SNAI1: variants seen among roughly 807,000 people sequenced by gnomAD.
The protein encoded by SNAI1 is snail family transcriptional repressor 1.
A neutral mutation model predicts 24.7 loss-of-function variants in SNAI1; 15 were observed. The ratio of observed to expected loss-of-function variants is 0.61; its 90% CI spans 0.41 to 0.93. SNAI1 has a LOEUF of 0.93. Among genes scored for constraint, SNAI1 ranks in the 40% least tolerant of loss-of-function variants. The pLI is 0.00. For missense variants in SNAI1, 283 were observed against 336.7 expected (o/e 0.84, Z 1.25); for synonymous variants, 163 against 142.9 (o/e 1.14, Z -1.00).
chr20:49,986,720 C>A (rs572682332), intron 2 of SNAI1, among the ~76,000 whole-genome samples: 1 of 152,308 alleles, frequency 6.6e-6, no homozygotes, highest in Admixed American at 6.5e-5. Flanking sequence ...CCTCACTCGG[C>A]CTCCCAGAGT....
At position 49,984,050 on chromosome 20, in the gene SNAI1, C is replaced by G. The variant is rs1445065902; in HGVS notation, c.309C>G (p.Pro103=). ...DEDSGKGSQP[P]SPPSPAPSSF... is the part of the protein sequence containing the mutation. Reference sequence around the variant, plus strand: ...ACAGTGGGAAAGGCTCCCAGCCCCCCAGCCCACCCTCACCGGCTCCTTCGT... The same window carrying G: ...ACAGTGGGAAAGGCTCCCAGCCCCCGAGCCCACCCTCACCGGCTCCTTCGT... Residue 103 remains proline (P), a synonymous_variant, in exon 2 of 3, where the codon CCC becomes CCG. Coordinates refer to ENST00000244050, the MANE Select transcript of SNAI1 (RefSeq NM_005985.4). The G allele has an allele frequency of 1.2e-6, 2 of 1,613,894 alleles. No homozygotes were observed. Among genetic ancestry groups the G allele is most frequent in the Admixed American group, 1.7e-5 (1 of 59,988 alleles).
At chr20:49,983,714 A>T in intron 1 of SNAI1, 110 bp from the exon 2 acceptor site, 1 of 1,082,366 alleles carries the variant, frequency 9.2e-7, no homozygotes, top group South Asian at 1.6e-5. Flanking sequence ...TTTTTGATCT[A>T]ATTATGTATT....
chr20:49,987,680 G>A (rs1028449216), intron 2 of SNAI1, among the ~76,000 whole-genome samples, 192 bp from the exon 3 acceptor site: 15 of 152,194 alleles, frequency 9.9e-5, no homozygotes, highest in Non-Finnish European at 1.8e-4. Flanking sequence ...AACTTGCTCA[G>A]AGTTGCACAG....
At chr20:49,986,907 A>G (rs1055585827) in intron 2 of SNAI1, among the ~76,000 whole-genome samples, 3 of 152,226 alleles carry the variant, frequency 2.0e-5, no homozygotes, top group Non-Finnish European at 4.4e-5. Context: ...GTTATGAGGC[A>G]TGAGTGAGGG....
In SNAI1 at chr20:49,983,973, C is replaced by G; in HGVS notation, c.232C>G (p.Arg78Gly). ...QAQPIAWASLRLQESPRVAEL... is the reference protein window; with the variant it reads ...QAQPIAWASLGLQESPRVAEL... ...CCAGCCAATTGCCTGGGCCTCCCTT[C>G]GGCTCCAGGAGAGTCCCAGGGTGGC... Residue 78 changes from arginine to glycine, a missense_variant, in exon 2 of 3, where the codon CGG becomes GGG. Coordinates refer to ENST00000244050, the MANE Select transcript of SNAI1 (RefSeq NM_005985.4). The G allele has an allele frequency of 6.2e-7, 1 of 1,613,618 alleles. No homozygotes were observed. The highest frequency in any genetic ancestry group is 8.5e-7 in the Non-Finnish European group (1 of 1,179,958).
chr20:49,984,412 C>G (rs2078327704), intron 2 of SNAI1, 61 bp downstream of exon 2: 1 of 1,456,800 alleles, frequency 6.9e-7, no homozygotes, highest in African/African-American at 1.4e-5. Context: ...TGAATCTGGG[C>G]TTGCTGTTCT....
In SNAI1 at chr20:49,988,578, G is replaced by C. The variant is rs180760094; in HGVS notation, c.*522G>C. The C allele has an allele frequency of 2.1e-3, 321 of 152,970 alleles. 1 individual carries two copies. The highest frequency in any genetic ancestry group is 7.5e-3 in the African/African-American group (311 of 41,576). The allele number at this position is 152,970 out of a possible 1,614,324, so 9.5% of individuals were successfully genotyped here. A position where few individuals can be genotyped will look rare whatever the true frequency, so the allele number is the denominator to read the frequency against. On this transcript the variant is annotated 3_prime_UTR_variant, in exon 3 of 3. Transcript: ENST00000244050. ...TAGAGTCTGAGATGCCCCGAGCCCA[G>C]GCAGCTATTTCAGCCTCCTGTTTGG...
intron 1 of SNAI1, 84 bp from the exon 2 acceptor site, chr20:49,983,740 C>A: frequency 7.3e-7 from 1 of 1,371,388 alleles, no homozygotes; most frequent in Non-Finnish European, 9.9e-7. Context: ...TCGGCCCCAC[C>A]CAGCCCCTGG....
chr20:49,987,168 G>A (rs2078336493), intron 2 of SNAI1, among the ~76,000 whole-genome samples: 1 of 152,184 alleles, frequency 6.6e-6, no homozygotes, highest in Non-Finnish European at 1.5e-5. Flanking sequence ...CAGCCTGATT[G>A]GAGAACAGAC....
chr20:49,987,664 C>A (rs1369979969), intron 2 of SNAI1, among the ~76,000 whole-genome samples: 1 of 152,154 alleles, frequency 6.6e-6, no homozygotes. Context: ...CTCAGAGAAG[C>A]CAGACAACTT....
At chr20:49,986,882 GTT>G (rs11468898) in intron 2 of SNAI1, among the ~76,000 whole-genome samples, 41,973 of 152,040 alleles carry the variant, frequency 0.28, 9,544 homozygotes, top group African/African-American at 0.63. Context: ...TAGCTTTTTG[GTT>G]GGAGCAGGGA....
Position 49,988,011 on chromosome 20 carries a change from G to C in SNAI1, c.750G>C (p.Leu250=). ...CTCGGACCTTCTCCCGAATGTCCCT[G>C]CTCCACAAGCACCAAGAGTCCGGCT... ...ACARTFSRMS[L]LHKHQESGCS... Residue 250 remains leucine, a synonymous_variant, in exon 3 of 3, where the codon CTG becomes CTC. Coordinates refer to ENST00000244050, the MANE Select transcript of SNAI1 (RefSeq NM_005985.4). The C allele has an allele frequency of 1.2e-6, 2 of 1,612,932 alleles. No homozygotes were observed. Among genetic ancestry groups the C allele is most frequent in the Non-Finnish European group, 1.7e-6 (2 of 1,179,290 alleles).
chr20:49,986,839 C>A (rs911205721), intron 2 of SNAI1, among the ~76,000 whole-genome samples: 2 of 151,566 alleles, frequency 1.3e-5, no homozygotes, highest in South Asian at 2.1e-4. Flanking sequence ...CAGAAAAAAA[C>A]AAATCAACAT....
At position 49,984,193 on chromosome 20, in the gene SNAI1, G is replaced by T; in HGVS notation, c.452G>T (p.Arg151Leu). The T allele has an allele frequency of 1.9e-6, 3 of 1,614,202 alleles. No homozygotes were observed. The South Asian group carries it at 3.3e-5, about 18-fold the overall frequency. The change falls in exon 2 of 3, where the codon CGA becomes CTA. Residue 151 changes from arginine to leucine, a missense_variant. Coordinates refer to ENST00000244050, the MANE Select transcript of SNAI1 (RefSeq NM_005985.4). ...QLSEAKDLQARKAFNCKYCNK... is the reference protein window; with the variant it reads ...QLSEAKDLQALKAFNCKYCNK... The stretch of plus-strand genomic sequence containing the variant: ...TCTGAGGCCAAGGATCTCCAGGCTC[G>T]AAAGGCCTTCAACTGCAAATACTGC...
chr20:49,988,132 A>G lies in SNAI1; in HGVS notation c.*76A>G. On this transcript the variant is annotated 3_prime_UTR_variant, in exon 3 of 3. Coordinates refer to ENST00000244050, the MANE Select transcript of SNAI1 (RefSeq NM_005985.4). ...CCCCAGCTCCAGCAGGAAGGACCCC[A>G]CATCCTTCTCACTGCCATGGAATTC... 7.6e-7 allele frequency: 1 copy of G among 1,312,970 alleles called. No individual in the cohort carries two copies. The highest frequency in any genetic ancestry group is 1.1e-6 in the Non-Finnish European group (1 of 949,612). The allele number at this position is 1,312,970 out of a possible 1,614,324, so 81.3% of individuals were successfully genotyped here.
At chr20:49,987,758 G>A in intron 2 of SNAI1, 114 bp from the exon 3 acceptor site, 1 of 1,002,684 alleles carries the variant, frequency 1.0e-6, no homozygotes, top group Non-Finnish European at 1.5e-6. Context: ...CGGAGGCCTG[G>A]CTTTCCTGGG....
intron 2 of SNAI1, 147 bp from the exon 3 acceptor site, chr20:49,987,725 T>C: frequency 1.4e-6 from 1 of 726,030 alleles, no homozygotes; most frequent in Admixed American, 2.3e-5. Context: ...GTCCCGGCCT[T>C]TGGACCCTGG....
chr20:49,983,291 G>A, intron 1 of SNAI1, 150 bp downstream of exon 1: 1 of 684,734 alleles, frequency 1.5e-6, no homozygotes, highest in Non-Finnish European at 2.6e-6. Context: ...CCGGGCAAGT[G>A]GGTCCCCAGT....
intron 1 of SNAI1, 49 bp from the exon 2 acceptor site, chr20:49,983,771 GTTGA>G (rs2078324262): frequency 2.0e-6 from 3 of 1,509,778 alleles, no homozygotes; most frequent in East Asian, 2.3e-5. Flanking sequence ...GCTCATGTTT[GTTGA>G]TTGAGTGAAT....
Sources: gnomAD v4.1 joint callset for allele counts (sites outside exome capture counted in the v4.1 genomes callset) on GRCh38, gnomAD v4.1.1 for gene constraint, MANE v1.5 for transcripts, NCBI Gene and HGNC (gene_info 2026-07-23, HGNC 2026-07-21) for gene names.